PCED1B: variants seen among roughly 807,000 people sequenced by gnomAD.
PCED1B encodes the protein PC-esterase domain containing 1B.
For synonymous variants in PCED1B, 251 were observed against 246.1 expected (o/e 1.02, Z -0.19); for missense variants, 573 against 573.9 (o/e 1.00, Z 0.02).
intron 1 of PCED1B, among the ~76,000 whole-genome samples, chr12:47,082,760 G>A (rs1937803740): frequency 6.6e-6 from 1 of 152,064 alleles, no homozygotes; most frequent in Admixed American, 6.5e-5. Context: ...ATTATCTCAA[G>A]GTTCTATTTG....
Position 47,186,615 on chromosome 12 carries a change from G to C in PCED1B, c.-525-29607G>C, listed in dbSNP as rs560821426. Among the ~76,000 whole-genome samples the C allele has an allele frequency of 1.4e-4, 21 of 152,176 alleles. 1 individual carries two copies. The South Asian group carries it at 3.9e-3, about 29-fold the overall frequency. Reference sequence around the variant, plus strand: ...AATCCATATGCCAGAGTGGCATATTGTGGGGTGGCATAATCCAAACCCCTT... The same window carrying C: ...AATCCATATGCCAGAGTGGCATATTCTGGGGTGGCATAATCCAAACCCCTT... On this transcript the variant is annotated intron_variant, in intron 2 of 3. Transcript: ENST00000546455.
chr12:47,208,054 A>G (rs1942963706), intron 2 of PCED1B, among the ~76,000 whole-genome samples: 2 of 151,470 alleles, frequency 1.3e-5, no homozygotes, highest in South Asian at 4.2e-4. Context: ...TTTTTTCCTG[A>G]GCAGTGTAAA....
At chr12:47,161,437 T>C (rs1459509826) in intron 2 of PCED1B, among the ~76,000 whole-genome samples, 1 of 152,228 alleles carries the variant, frequency 6.6e-6, no homozygotes, top group Non-Finnish European at 1.5e-5. Context: ...TGGATATGTG[T>C]GACTTTATGC....
intron 2 of PCED1B, among the ~76,000 whole-genome samples, chr12:47,172,889 A>G (rs554296429): frequency 9.2e-5 from 14 of 152,274 alleles, no homozygotes; most frequent in African/African-American, 3.4e-4. Flanking sequence ...AGAATGTGAC[A>G]AGGAGAAATC....
chr12:47,138,173 T>G (rs1347443061), intron 2 of PCED1B: 1 of 152,212 alleles, frequency 6.6e-6, no homozygotes, highest in Non-Finnish European at 1.5e-5. Context: ...GTCTGTTCTT[T>G]CCTCTTTCAC....
At chr12:47,186,373 G>T (rs554777584) in intron 2 of PCED1B, among the ~76,000 whole-genome samples, 1 of 152,276 alleles carries the variant, frequency 6.6e-6, no homozygotes, top group South Asian at 2.1e-4. Flanking sequence ...TATGGTAGAT[G>T]AGGGCTAGTT....
At chr12:47,223,080 G>A (rs2137845941) in intron 3 of PCED1B, among the ~76,000 whole-genome samples, 1 of 152,250 alleles carries the variant, frequency 6.6e-6, no homozygotes, top group Non-Finnish European at 1.5e-5. Flanking sequence ...TGGGCCTTGA[G>A]AAAGACCTGG....
In PCED1B at chr12:47,123,831, G is replaced by T. The variant is rs541263366; in HGVS notation, c.-526+19636G>T. Among the ~76,000 whole-genome samples, 5 of 151,846 alleles carry T rather than the reference G, an allele frequency of 3.3e-5. No individual in the cohort carries two copies. The East Asian group carries it at 9.7e-4, about 29-fold the overall frequency. ...AATTCTCTCTTTCATTCAAATTTTC[G>T]TTGTAACTTGGCCTTTCTCTCATGT... On this transcript the variant is annotated intron_variant, in intron 2 of 3. Transcript: ENST00000546455.
At chr12:47,178,863 T>C (rs1942008205) in intron 2 of PCED1B, among the ~76,000 whole-genome samples, 1 of 107,254 alleles carries the variant, frequency 9.3e-6, no homozygotes, top group Non-Finnish European at 1.8e-5. Context: ...TGAGACTCCA[T>C]CTCAAAAAAA....
intron 1 of PCED1B, among the ~76,000 whole-genome samples, chr12:47,088,261 A>G (rs1938083349): frequency 1.3e-5 from 2 of 152,320 alleles, no homozygotes; most frequent in South Asian, 4.1e-4. Context: ...TTTATGTGCA[A>G]AATAAACAGA....
intron 2 of PCED1B, among the ~76,000 whole-genome samples, chr12:47,109,092 A>G (rs1200679529): frequency 6.6e-6 from 1 of 152,204 alleles, no homozygotes; most frequent in Non-Finnish European, 1.5e-5. Flanking sequence ...TTGAATGAAA[A>G]TCACCTACTT....
At chr12:47,099,926 A>T (rs1188037185) in intron 1 of PCED1B, among the ~76,000 whole-genome samples, 1 of 152,228 alleles carries the variant, frequency 6.6e-6, no homozygotes, top group Non-Finnish European at 1.5e-5. Context: ...TCCAATGAAG[A>T]CACAAGGCAG....
intron 2 of PCED1B, among the ~76,000 whole-genome samples, chr12:47,180,607 T>C (rs1035848983): frequency 3.3e-5 from 5 of 152,140 alleles, no homozygotes; most frequent in African/African-American, 1.2e-4. Flanking sequence ...TGGAATCTAG[T>C]TAAATAAAGA....
intron 2 of PCED1B, chr12:47,135,813 G>A: frequency 2.0e-6 from 1 of 489,508 alleles, no homozygotes; most frequent in African/African-American, 2.0e-5. Flanking sequence ...CCCCAGCACA[G>A]CCACCTCATG....
chr12:47,101,076 GAA>G (rs68188164), intron 1 of PCED1B, among the ~76,000 whole-genome samples: 5 of 149,846 alleles, frequency 3.3e-5, no homozygotes, highest in Non-Finnish European at 4.5e-5. Flanking sequence ...CTCAAAAAAA[GAA>G]AAAAAAAAGT....
chr12:47,137,747 A>G (rs1200200782), intron 2 of PCED1B, among the ~76,000 whole-genome samples: 1 of 139,800 alleles, frequency 7.2e-6, no homozygotes, highest in South Asian at 2.2e-4. Context: ...AAAAAAAGAA[A>G]AAAAGAAAAA....
chr12:47,220,839 T>G (rs576478548), intron 3 of PCED1B, among the ~76,000 whole-genome samples: 1 of 152,096 alleles, frequency 6.6e-6, no homozygotes, highest in African/African-American at 2.4e-5. Context: ...TGAGTCTTAA[T>G]GAAGGAGCAG....
intron 2 of PCED1B, among the ~76,000 whole-genome samples, chr12:47,172,786 T>C (rs1941793945): frequency 6.6e-6 from 1 of 152,164 alleles, no homozygotes; most frequent in Admixed American, 6.5e-5. Context: ...TTCCTAGTGG[T>C]ATTGTGTTGG....
chr12:47,145,355 T>C (rs887148545), intron 2 of PCED1B, among the ~76,000 whole-genome samples: 1 of 152,182 alleles, frequency 6.6e-6, no homozygotes, highest in East Asian at 1.9e-4. Flanking sequence ...AAGCAACAAG[T>C]GCTGATGTAG....
Sources: gnomAD v4.1 joint callset for allele counts (sites outside exome capture counted in the v4.1 genomes callset) on GRCh38, gnomAD v4.1.1 for gene constraint, MANE v1.5 for transcripts, NCBI Gene and HGNC (gene_info 2026-07-23, HGNC 2026-07-21) for gene names.